Variants in FRY observed in about 807,000 individuals in gnomAD.
The protein encoded by FRY is FRY microtubule binding protein.
FRY carries 128 observed loss-of-function variants against 348.4 expected under a neutral mutation model. The observed-to-expected ratio is 0.37, with a 90% CI of 0.32 to 0.43. The LOEUF is 0.43. Among genes scored for constraint, FRY ranks in the 20% least tolerant of loss-of-function variants. The pLI, the probability that FRY is intolerant of heterozygous loss-of-function variation, is 1.00. For missense variants in FRY, 2,736 were observed against 3,695.2 expected, an observed-to-expected ratio of 0.74 and a Z score of 6.73; for synonymous variants, 1,370 against 1,374.7, an observed-to-expected ratio of 1.00 and a Z score of 0.08.
intron 3 of FRY, among the ~76,000 whole-genome samples, chr13:32,104,483 A>G (rs1237583803): frequency 6.6e-6 from 1 of 152,238 alleles, no homozygotes; most frequent in Non-Finnish European, 1.5e-5. Context: ...ATCTCTATGT[A>G]TTAAAGACAC....
At chr13:32,176,695 T>C (rs1212510215) in intron 20 of FRY, among the ~76,000 whole-genome samples, 1 of 152,258 alleles carries the variant, frequency 6.6e-6, no homozygotes, top group Non-Finnish European at 1.5e-5. Flanking sequence ...ATTTTGTTCA[T>C]GTGCTTTTGT....
intron 11 of FRY, among the ~76,000 whole-genome samples, chr13:32,137,400 T>A (rs1220853362): frequency 6.6e-6 from 1 of 152,228 alleles, no homozygotes; most frequent in African/African-American, 2.4e-5. Flanking sequence ...GGGCAAAATC[T>A]GAGCAAAATT....
Position 32,184,635 on chromosome 13 carries a change from G to A in FRY, c.3090G>A (p.Arg1030=). Residue 1030 remains arginine (R), a synonymous_variant, in exon 25 of 61, where the codon AGG becomes AGA. Transcript: ENST00000542859. ...GCCGAGAACGGCGAGACTTGTTAAG[G>A]CTACAACTACTTCGAATTTTTGAAC... is the stretch of plus-strand genomic sequence containing the variant. ...KKRRERRDLL[R]LQLLRIFELL... is the part of the protein sequence containing the mutation. The A allele has an allele frequency of 1.9e-6, 3 of 1,613,752 alleles. No individual in the cohort carries two copies. Among genetic ancestry groups the A allele is most frequent in the Non-Finnish European group, 2.5e-6 (3 of 1,179,610 alleles).
intron 1 of FRY, among the ~76,000 whole-genome samples, chr13:32,077,247 A>G (rs529555623): frequency 6.6e-6 from 1 of 152,308 alleles, no homozygotes; most frequent in East Asian, 1.9e-4. Flanking sequence ...ATTGAGAGCT[A>G]TTGAAAGTTT....
chr13:32,064,823 AT>A (rs1379658412), intron 1 of FRY, among the ~76,000 whole-genome samples: 3 of 152,174 alleles, frequency 2.0e-5, no homozygotes, highest in Non-Finnish European at 2.9e-5. Context: ...CTTAATGAAA[AT>A]TCTTTATTTA....
At chr13:32,105,643 T>G (rs1877488283) in intron 3 of FRY, among the ~76,000 whole-genome samples, 1 of 152,224 alleles carries the variant, frequency 6.6e-6, no homozygotes, top group Non-Finnish European at 1.5e-5. Context: ...AGATGCCACC[T>G]TGAGTGGTTC....
intron 36 of FRY, among the ~76,000 whole-genome samples, chr13:32,223,539 G>A (rs960067877): frequency 6.6e-6 from 1 of 152,048 alleles, no homozygotes; most frequent in Non-Finnish European, 1.5e-5. Context: ...ACTTTGGGAG[G>A]CCAAGGTGGG....
intron 35 of FRY, among the ~76,000 whole-genome samples, chr13:32,217,442 A>G (rs1885061110): frequency 6.6e-6 from 1 of 152,182 alleles, no homozygotes. Context: ...AATACCTTAT[A>G]GTCCGACAGT....
intron 1 of FRY, among the ~76,000 whole-genome samples, chr13:32,044,074 GA>G (rs373443621): frequency 1.1e-3 from 167 of 150,790 alleles, no homozygotes; most frequent in African/African-American, 3.0e-3. Flanking sequence ...ACCAAAAAAA[GA>G]AAAAAAAGGA....
intron 13 of FRY, among the ~76,000 whole-genome samples, chr13:32,148,246 G>GT (rs1179967204): frequency 2.0e-5 from 3 of 152,100 alleles, no homozygotes; most frequent in African/African-American, 4.8e-5. Context: ...CTTCACCTCT[G>GT]TTTTTTTCCT....
At chr13:32,134,134 CA>C (rs1374476346) in intron 8 of FRY, among the ~76,000 whole-genome samples, 1 of 152,072 alleles carries the variant, frequency 6.6e-6, no homozygotes, top group Non-Finnish European at 1.5e-5. Context: ...AAGTTACTAC[CA>C]ATAAGGCCAG....
chr13:32,170,457 C>T (rs9533748), intron 17 of FRY, among the ~76,000 whole-genome samples: 1 of 151,950 alleles, frequency 6.6e-6, no homozygotes. Flanking sequence ...AGGGGAGGCC[C>T]GAAGAACGCT....
intron 20 of FRY, among the ~76,000 whole-genome samples, chr13:32,176,596 T>G (rs1030149277): frequency 6.6e-6 from 1 of 152,206 alleles, no homozygotes; most frequent in Non-Finnish European, 1.5e-5. Flanking sequence ...GTCCTACTTC[T>G]TTTAGAATTT....
At chr13:32,287,243 A>G (rs554442747) in intron 58 of FRY, among the ~76,000 whole-genome samples, 31 of 152,294 alleles carry the variant, frequency 2.0e-4, no homozygotes, top group African/African-American at 7.2e-4. Flanking sequence ...ATTACCTGTC[A>G]TATCTCACAC....
In FRY at chr13:32,045,309, C is replaced by T. The variant is rs111762832; in HGVS notation, c.70+13444C>T. ...CTTCCTCGAATGACATCTCCCACAT[C>T]TGGATCTTCGTCACCATCACCTCTG... On this transcript the variant is annotated intron_variant, in intron 1 of 60. Transcript: ENST00000542859. Among the ~76,000 whole-genome samples the T allele has an allele frequency of 3.9e-3, 591 of 152,316 alleles. 3 individuals are homozygous for T. Among genetic ancestry groups the T allele is most frequent in the African/African-American group, 0.014 (568 of 41,564 alleles).
intron 39 of FRY, 41 bp from the exon 40 acceptor site, chr13:32,228,415 A>G (rs968267074): frequency 2.8e-6 from 4 of 1,436,974 alleles, no homozygotes; most frequent in Non-Finnish European, 3.9e-6. Flanking sequence ...TGACAAGCAC[A>G]CTGCCTAGTA....
intron 17 of FRY, among the ~76,000 whole-genome samples, chr13:32,162,010 C>T (rs1217705011): frequency 1.3e-5 from 2 of 151,976 alleles, no homozygotes; most frequent in Non-Finnish European, 2.9e-5. Context: ...AATTATTAGA[C>T]ACGTGGGATG....
At position 32,235,994 on chromosome 13, in the gene FRY, TAC is replaced by T. The variant is rs1886205948; in HGVS notation, c.5716-82_5716-81del. ...TAAAGCAGCAATAACATTATTGGAA[TAC>T]AGTTTACATTAATTAAATTTATCTT... On this transcript the variant is annotated intron_variant, in intron 42 of 60. Transcript: ENST00000542859. 18 of 970,846 alleles carry T rather than the reference TAC, an allele frequency of 1.9e-5. No homozygotes were observed. The South Asian group carries it at 2.3e-4, about 12-fold the overall frequency. 60.1% of individuals were successfully genotyped at this position (970,846 alleles called of 1,614,324 possible).
intron 32 of FRY, 136 bp from the exon 33 acceptor site, chr13:32,209,449 C>G: frequency 1.2e-6 from 1 of 842,862 alleles, no homozygotes; most frequent in South Asian, 1.4e-5. Flanking sequence ...AAGATGGCAT[C>G]TTTCTGATAA....
Sources: gnomAD v4.1 joint callset for allele counts (sites outside exome capture counted in the v4.1 genomes callset) on GRCh38, gnomAD v4.1.1 for gene constraint, MANE v1.5 for transcripts, NCBI Gene and HGNC (gene_info 2026-07-23, HGNC 2026-07-21) for gene names.